Variants in UTP20 observed in about 807,000 individuals in gnomAD.
UTP20 encodes the protein small subunit processome component 20 homolog.
Under a neutral mutation model 329.5 loss-of-function variants are expected in UTP20, and 164 were observed. The observed-to-expected ratio is 0.50, with a 90% confidence interval of 0.44 to 0.57. UTP20 has a LOEUF of 0.57. Ranked by LOEUF, UTP20 falls within the 20% of genes least tolerant of loss-of-function variation. The probability of loss-of-function intolerance (pLI) is 0.00; values close to 1 mark genes in which losing one functional copy is unlikely to be tolerated. For missense variants in UTP20, 3,055 were observed against 3,284.2 expected, an observed-to-expected ratio of 0.93 and a Z score of 1.71; for synonymous variants, 1,151 against 1,159.3, an observed-to-expected ratio of 0.99 and a Z score of 0.14.
intron 14 of UTP20, among the ~76,000 whole-genome samples, chr12:101,301,486 G>A (rs1319423392): frequency 2.0e-5 from 3 of 152,020 alleles, no homozygotes; most frequent in African/African-American, 4.8e-5. Context: ...TGGCCAACAC[G>A]GGGAAACCCC....
intron 31 of UTP20, among the ~76,000 whole-genome samples, chr12:101,339,277 C>T (rs888983668): frequency 1.6e-4 from 24 of 152,094 alleles, no homozygotes; most frequent in African/African-American, 5.1e-4. Flanking sequence ...CGCGCCACTG[C>T]ACTCCAGCCT....
chr12:101,379,348 C>A, intron 56 of UTP20, 23 bp from the exon 57 acceptor site: 1 of 1,567,020 alleles, frequency 6.4e-7, no homozygotes, highest in Non-Finnish European at 8.7e-7. Flanking sequence ...GTGACATCCA[C>A]AAATGCTTTT....
At chr12:101,321,652 G>A (rs1404788243) in intron 25 of UTP20, 23 bp downstream of exon 25, 1 of 1,605,934 alleles carries the variant, frequency 6.2e-7, no homozygotes. Context: ...TTCAAACACT[G>A]ATTTTTAAAA....
At chr12:101,345,506 CAA>C (rs1565799856) in intron 36 of UTP20, 46 bp from the exon 37 acceptor site, 1 of 1,222,974 alleles carries the variant, frequency 8.2e-7, no homozygotes, top group Admixed American at 2.9e-5. Context: ...ATATTAGAAA[CAA>C]ATTCTTTTTA....
chr12:101,343,149 T>G, intron 35 of UTP20, 56 bp downstream of exon 35: 1 of 1,298,188 alleles, frequency 7.7e-7, no homozygotes, highest in Non-Finnish European at 1.1e-6. Context: ...GTAATACGGC[T>G]GCCTAATACA....
At chr12:101,369,649 A>C in intron 48 of UTP20, 72 bp from the exon 49 acceptor site, 1 of 762,030 alleles carries the variant, frequency 1.3e-6, no homozygotes, top group South Asian at 1.5e-5. Context: ...AAGAGTCTGC[A>C]TAGCCTCAGG....
chr12:101,317,733 C>A, intron 22 of UTP20, 70 bp downstream of exon 22: 1 of 1,434,042 alleles, frequency 7.0e-7, no homozygotes, highest in Non-Finnish European at 9.3e-7. Flanking sequence ...TCTCTTACGG[C>A]TTTATACAAA....
intron 28 of UTP20, among the ~76,000 whole-genome samples, chr12:101,334,100 G>A (rs1593437235): frequency 6.6e-6 from 1 of 152,174 alleles, no homozygotes. Flanking sequence ...GATGGTAACT[G>A]GTATAGGTAT....
chr12:101,317,024 T>G lies in UTP20; in HGVS notation c.2553-454T>G, dbSNP rs149150135. Among the ~76,000 whole-genome samples the G allele has an allele frequency of 3.9e-5, 6 of 152,304 alleles. No individual in the cohort carries two copies. The East Asian group carries it at 9.7e-4, about 25-fold the overall frequency. On this transcript the variant is annotated intron_variant, in intron 21 of 61. Coordinates refer to ENST00000261637, the MANE Select transcript of UTP20 (RefSeq NM_014503.3). ...ATGGTAGTTCCATCTGTCTTATCAA[T>G]CCATACCTGGAGGACTAAATTTTGT...
chr12:101,359,127 G>A (rs192297733), intron 43 of UTP20, among the ~76,000 whole-genome samples: 37 of 152,136 alleles, frequency 2.4e-4, no homozygotes, highest in African/African-American at 7.9e-4. Context: ...AGTGCACTGC[G>A]ATCTTGGCTT....
intron 57 of UTP20, among the ~76,000 whole-genome samples, chr12:101,380,548 T>C (rs1387079377): frequency 1.3e-5 from 2 of 152,016 alleles, no homozygotes; most frequent in Admixed American, 1.3e-4. Flanking sequence ...TATTGGACTG[T>C]AGTAAAGTGC....
intron 8 of UTP20, chr12:101,291,140 T>C (rs1481940305): frequency 3.1e-6 from 1 of 327,668 alleles, no homozygotes; most frequent in Non-Finnish European, 5.4e-6. Flanking sequence ...CACTTACTGC[T>C]AGTGTAACCT....
Position 101,295,503 on chromosome 12 carries a change from A to G in UTP20, c.1275A>G (p.Ser425=). The change falls in exon 12 of 62, where the codon TCA becomes TCG. Residue 425 remains serine (S), a synonymous_variant. Coordinates refer to ENST00000261637, the MANE Select transcript of UTP20 (RefSeq NM_014503.3). ...AGCTTTTTCTACCAAGCTTTCTGTC[A>G]TATATTGTGAATTGCTTCTTAATTG... The part of the protein sequence containing the change: ...FEQLFLPSFL[S]YIVNCFLIDD... 4 of 1,605,536 alleles carry G rather than the reference A, an allele frequency of 2.5e-6. No homozygotes were observed. Among genetic ancestry groups the G allele is most frequent in the Non-Finnish European group, 3.4e-6 (4 of 1,175,716 alleles).
rs1416671101 is a variant in UTP20, at chr12:101,375,840, A to G, written c.7396+84A>G. 6 of 833,662 alleles carry G rather than the reference A, an allele frequency of 7.2e-6. No individual in the cohort carries two copies. The East Asian group carries it at 7.7e-5, about 11-fold the overall frequency. The allele number at this position is 833,662 out of a possible 1,614,324, so 51.6% of individuals were successfully genotyped here. A position where few individuals can be genotyped will look rare whatever the true frequency, so the allele number is the denominator to read the frequency against. ...GTAGATTTGAGAAATTCGAATATGAATACTTCAGAAAGTATACAATGTCAG... is the reference window on the plus strand; with the variant it reads ...GTAGATTTGAGAAATTCGAATATGAGTACTTCAGAAAGTATACAATGTCAG... On this transcript the variant is annotated intron_variant, in intron 56 of 61. Coordinates refer to ENST00000261637, the MANE Select transcript of UTP20 (RefSeq NM_014503.3).
At chr12:101,299,901 T>C in intron 13 of UTP20, 64 bp downstream of exon 13, 1 of 1,607,122 alleles carries the variant, frequency 6.2e-7, no homozygotes, top group Non-Finnish European at 8.5e-7. Flanking sequence ...ATGTTAGCCA[T>C]TCCTTGCTGT....
chr12:101,366,534 C>T (rs1870099324), intron 46 of UTP20, 24 bp from the exon 47 acceptor site: 1 of 1,603,566 alleles, frequency 6.2e-7, no homozygotes, highest in Non-Finnish European at 8.5e-7. Context: ...TCTTTACCCT[C>T]TTCTCATGCC....
At chr12:101,357,771 C>T (rs556078588) in intron 43 of UTP20, among the ~76,000 whole-genome samples, 16 of 152,092 alleles carry the variant, frequency 1.1e-4, no homozygotes, top group Admixed American at 7.9e-4. Context: ...AAAATAAGAG[C>T]GCCAAGTGGA....
intron 12 of UTP20, among the ~76,000 whole-genome samples, chr12:101,297,936 T>G (rs1941731922): frequency 6.6e-6 from 1 of 152,218 alleles, no homozygotes; most frequent in Admixed American, 6.5e-5. Flanking sequence ...CTGTGTTTCT[T>G]TCTCTGCAAA....
At chr12:101,311,962 G>T in intron 20 of UTP20, 74 bp from the exon 21 acceptor site, 21 of 1,593,720 alleles carry the variant, frequency 1.3e-5, no homozygotes, top group Non-Finnish European at 1.8e-5. Flanking sequence ...AGAAAGAAAT[G>T]CCCTCTCTTG....
Sources: allele counts gnomAD v4.1 joint callset (sites outside exome capture counted in the v4.1 genomes callset), GRCh38; gene constraint gnomAD v4.1.1; transcripts MANE v1.5; gene names NCBI Gene and HGNC (gene_info 2026-07-23, HGNC 2026-07-21).